The following ARHGAP42 variants were observed in gnomAD, a reference collection of about 807,000 sequenced individuals.
The protein encoded by ARHGAP42 is Rho GTPase activating protein 42.
ARHGAP42 carries 63 observed loss-of-function variants against 125.0 expected under a neutral mutation model. The observed-to-expected ratio is 0.50, with a 90% CI of 0.41 to 0.62. The LOEUF is 0.62. ARHGAP42 is among the 20% of genes least tolerant of loss of function. The pLI is 0.00. For missense variants in ARHGAP42, 766 were observed against 1,024.2 expected (o/e 0.75, Z 3.44); for synonymous variants, 339 against 351.0 (o/e 0.97, Z 0.38).
intron 1 of ARHGAP42, among the ~76,000 whole-genome samples, chr11:100,699,518 T>A (rs1451764255): frequency 9.1e-4 from 75 of 82,588 alleles, no homozygotes; most frequent in Non-Finnish European, 1.1e-3. Context: ...TTTTTTTTTT[T>A]TTTTTTTTTT....
At chr11:100,879,375 ACTG>A (rs1394379903) in intron 4 of ARHGAP42, among the ~76,000 whole-genome samples, 1 of 152,208 alleles carries the variant, frequency 6.6e-6, no homozygotes, top group African/African-American at 2.4e-5. Flanking sequence ...TCTGTGCTTA[ACTG>A]TCAATCAGTT....
intron 1 of ARHGAP42, among the ~76,000 whole-genome samples, chr11:100,761,835 G>C (rs1862705722): frequency 6.6e-6 from 1 of 152,202 alleles, no homozygotes; most frequent in African/African-American, 2.4e-5. Context: ...AGTATTTCAA[G>C]TTTCTGTTCT....
At chr11:100,771,559 G>A (rs1862979770) in intron 2 of ARHGAP42, among the ~76,000 whole-genome samples, 1 of 151,880 alleles carries the variant, frequency 6.6e-6, no homozygotes, top group Admixed American at 6.6e-5. Flanking sequence ...TAAGAACAGT[G>A]ACCAGTGATT....
intron 17 of ARHGAP42, among the ~76,000 whole-genome samples, chr11:100,968,497 T>C (rs989418235): frequency 5.9e-5 from 9 of 152,168 alleles, no homozygotes; most frequent in African/African-American, 1.2e-4. Flanking sequence ...TAATTCTGTT[T>C]CCTCTTTCTC....
At chr11:100,796,302 T>C (rs1863712159) in intron 3 of ARHGAP42, among the ~76,000 whole-genome samples, 1 of 152,216 alleles carries the variant, frequency 6.6e-6, no homozygotes, top group Non-Finnish European at 1.5e-5. Context: ...GTGAACATAA[T>C]AAATGGTGAG....
chr11:100,940,713 A>G (rs1867859502), intron 8 of ARHGAP42, among the ~76,000 whole-genome samples: 1 of 152,192 alleles, frequency 6.6e-6, no homozygotes, highest in Non-Finnish European at 1.5e-5. Flanking sequence ...AAGAGGAAAT[A>G]ACTCTAAGGT....
intron 4 of ARHGAP42, among the ~76,000 whole-genome samples, chr11:100,885,516 C>A (rs921449443): frequency 4.6e-5 from 7 of 152,088 alleles, no homozygotes; most frequent in African/African-American, 1.7e-4. Flanking sequence ...TTTATAATTT[C>A]TTTCACTTTA....
At chr11:100,864,702 T>C (rs1351944365) in intron 4 of ARHGAP42, among the ~76,000 whole-genome samples, 1 of 152,184 alleles carries the variant, frequency 6.6e-6, no homozygotes, top group East Asian at 1.9e-4. Context: ...ACCAGAAGCC[T>C]TTCTACTCCC....
At chr11:100,866,245 C>G (rs1033928224) in intron 4 of ARHGAP42, among the ~76,000 whole-genome samples, 5 of 152,184 alleles carry the variant, frequency 3.3e-5, no homozygotes, top group Admixed American at 2.0e-4. Flanking sequence ...ACTTCTAATT[C>G]TAGCTCTCTT....
At chr11:100,797,216 T>A (rs556839657) in intron 3 of ARHGAP42, among the ~76,000 whole-genome samples, 3 of 152,314 alleles carry the variant, frequency 2.0e-5, no homozygotes, top group African/African-American at 7.2e-5. Flanking sequence ...AGTGCTGATA[T>A]AGAAGCTGCA....
intron 1 of ARHGAP42, among the ~76,000 whole-genome samples, chr11:100,757,305 G>C (rs770148943): frequency 1.3e-5 from 2 of 152,148 alleles, no homozygotes; most frequent in Non-Finnish European, 2.9e-5. Context: ...TGAGATTCCT[G>C]TCCTGATTCT....
intron 2 of ARHGAP42, among the ~76,000 whole-genome samples, chr11:100,793,862 A>G (rs1863636361): frequency 6.6e-6 from 1 of 152,004 alleles, no homozygotes; most frequent in Non-Finnish European, 1.5e-5. Context: ...ACTTGAGTCC[A>G]AGAGTTTGAG....
chr11:100,762,358 G>A (rs1221579181), intron 1 of ARHGAP42, among the ~76,000 whole-genome samples: 1 of 152,174 alleles, frequency 6.6e-6, no homozygotes, highest in East Asian at 1.9e-4. Context: ...ATGAAGAACA[G>A]CATCAGGGCT....
At chr11:100,690,229 C>T (rs1861163621) in intron 1 of ARHGAP42, among the ~76,000 whole-genome samples, 1 of 152,108 alleles carries the variant, frequency 6.6e-6, no homozygotes, top group South Asian at 2.1e-4. Flanking sequence ...TAGATGTATC[C>T]ATTACCCGTT....
intron 4 of ARHGAP42, among the ~76,000 whole-genome samples, chr11:100,910,968 A>G (rs575695378): frequency 1.8e-4 from 28 of 152,262 alleles, no homozygotes; most frequent in Admixed American, 5.9e-4. Context: ...CCAAATTAAC[A>G]TTTCCAAAAA....
intron 9 of ARHGAP42, among the ~76,000 whole-genome samples, chr11:100,942,661 G>A (rs1867915454): frequency 6.6e-6 from 1 of 152,094 alleles, no homozygotes; most frequent in South Asian, 2.1e-4. Context: ...CCAATTAGTG[G>A]CATAGATCAT....
At chr11:100,983,583 C>T (rs1858598363) in intron 22 of ARHGAP42, among the ~76,000 whole-genome samples, 1 of 152,112 alleles carries the variant, frequency 6.6e-6, no homozygotes, top group Non-Finnish European at 1.5e-5. Context: ...GCCCAACACA[C>T]AATAGATGCT....
chr11:100,975,143 C>T (rs560507727), intron 19 of ARHGAP42, among the ~76,000 whole-genome samples: 37 of 152,118 alleles, frequency 2.4e-4, no homozygotes, highest in Non-Finnish European at 4.7e-4. Flanking sequence ...TACCCCCCAC[C>T]CCAATTTTTT....
intron 3 of ARHGAP42, among the ~76,000 whole-genome samples, chr11:100,832,770 C>T (rs1783140671): frequency 6.6e-6 from 1 of 152,158 alleles, no homozygotes; most frequent in Non-Finnish European, 1.5e-5. Context: ...ATGTGGCACC[C>T]TCTTGGGCAC....
Sources: gnomAD v4.1 joint callset for allele counts (sites outside exome capture counted in the v4.1 genomes callset) on GRCh38, gnomAD v4.1.1 for gene constraint, MANE v1.5 for transcripts, NCBI Gene and HGNC (gene_info 2026-07-23, HGNC 2026-07-21) for gene names.